ADGRF5: variants seen among roughly 807,000 people sequenced by gnomAD.
ADGRF5 encodes G-protein coupled receptor 116.
ADGRF5 carries 75 observed loss-of-function variants against 132.3 expected under a neutral mutation model. The ratio of observed to expected loss-of-function variants is 0.57; its 90% CI spans 0.47 to 0.69. ADGRF5 has a LOEUF of 0.69. ADGRF5 is among the 30% of genes least tolerant of loss of function. The pLI, the probability that ADGRF5 is intolerant of heterozygous loss-of-function variation, is 0.00. For synonymous variants in ADGRF5, 629 were observed against 597.6 expected (o/e 1.05, Z -0.77); for missense variants, 1,516 against 1,630.6 (o/e 0.93, Z 1.21).
At chr6:46,914,387 T>C (rs1265295554) in intron 1 of ADGRF5, among the ~76,000 whole-genome samples, 2 of 152,188 alleles carry the variant, frequency 1.3e-5, no homozygotes, top group African/African-American at 4.8e-5. Context: ...AGCAAAAATA[T>C]AAGCTAAATA....
intron 11 of ADGRF5, among the ~76,000 whole-genome samples, chr6:46,870,309 T>C (rs1197096675): frequency 6.6e-6 from 1 of 152,112 alleles, no homozygotes; most frequent in Non-Finnish European, 1.5e-5. Flanking sequence ...CACATCCCCA[T>C]GCCTGGCTAA....
At position 46,884,096 on chromosome 6, in the gene ADGRF5, T is replaced by C. The variant is rs765200403; in HGVS notation, c.504A>G (p.Glu168=). Residue 168 remains glutamate, a splice_region_variant and synonymous_variant, in exon 5 of 21, where the codon GAA becomes GAG. Coordinates refer to ENST00000283296, the MANE Select transcript of ADGRF5 (RefSeq NM_001098518.2). ...AGCATTTAATGAGCAGTTACTTACC[T>C]TCCTGAAGCAGGCAAAAAGGTCCAT... ...PPNGPFCLLQ[E]DVTLNMRVRL... 1 of 1,613,112 alleles carries C rather than the reference T, an allele frequency of 6.2e-7. No individual in the cohort carries two copies. The highest frequency in any genetic ancestry group is 1.7e-5 in the Admixed American group (1 of 59,972).
chr6:46,876,326 GA>G (rs1771648940), intron 10 of ADGRF5, among the ~76,000 whole-genome samples: 1 of 152,226 alleles, frequency 6.6e-6, no homozygotes, highest in African/African-American at 2.4e-5. Flanking sequence ...TCCTTTGCCA[GA>G]AGGCCAGGTT....
At chr6:46,907,833 C>T (rs1262936444) in intron 1 of ADGRF5, 2 of 152,158 alleles carry the variant, frequency 1.3e-5, no homozygotes, top group Non-Finnish European at 2.9e-5. Context: ...ATCTGTAAAA[C>T]GGGGATAATT....
chr6:46,874,413 T>C (rs1771412992), intron 10 of ADGRF5, among the ~76,000 whole-genome samples: 1 of 152,212 alleles, frequency 6.6e-6, no homozygotes, highest in South Asian at 2.1e-4. Context: ...GACAATGATC[T>C]ATGCAAGAAG....
At position 46,853,785 on chromosome 6, in the gene ADGRF5, G is replaced by T; in HGVS notation, c.*207C>A. 2.3e-6 allele frequency: 1 copy of T among 431,318 alleles called. No individual in the cohort carries two copies. The highest frequency in any genetic ancestry group is 2.6e-5 in the South Asian group (1 of 38,992). 26.7% of individuals were successfully genotyped at this position (431,318 alleles called of 1,614,324 possible). A position where few individuals can be genotyped will look rare whatever the true frequency, so the allele number is the denominator to read the frequency against. ...CTATACACATGTGGTATCACACAAG[G>T]GGGAGGGGGAGGGAACAAACAGAAA... On this transcript the variant is annotated 3_prime_UTR_variant, in exon 21 of 21. Transcript: ENST00000283296.
intron 1 of ADGRF5, among the ~76,000 whole-genome samples, chr6:46,939,819 C>T (rs889290664): frequency 2.0e-5 from 3 of 152,152 alleles, no homozygotes; most frequent in Admixed American, 6.5e-5. Flanking sequence ...AATCCACTTT[C>T]GATGAATGAG....
intron 1 of ADGRF5, among the ~76,000 whole-genome samples, chr6:46,914,592 C>A (rs1776262652): frequency 6.6e-6 from 1 of 152,138 alleles, no homozygotes; most frequent in South Asian, 2.1e-4. Flanking sequence ...ACACACTGCA[C>A]ATGTGGGCGG....
chr6:46,913,787 G>T (rs536538037), intron 1 of ADGRF5, among the ~76,000 whole-genome samples: 2 of 152,178 alleles, frequency 1.3e-5, no homozygotes, highest in African/African-American at 2.4e-5. Context: ...TAGCTTTCAC[G>T]TCCACGCAGT....
intron 1 of ADGRF5, among the ~76,000 whole-genome samples, chr6:46,941,519 G>A (rs1238423980): frequency 1.3e-5 from 2 of 151,818 alleles, no homozygotes; most frequent in Non-Finnish European, 2.9e-5. Context: ...AAATTCTAGA[G>A]CCCACCCCAG....
intron 1 of ADGRF5, among the ~76,000 whole-genome samples, chr6:46,920,527 G>GT (rs1554212971): frequency 3.8e-4 from 8 of 21,216 alleles, no homozygotes; most frequent in African/African-American, 1.3e-3. Context: ...AATAATATTT[G>GT]GGGGGGGGGA....
chr6:46,914,086 G>T (rs892061018), intron 1 of ADGRF5, among the ~76,000 whole-genome samples: 1 of 152,144 alleles, frequency 6.6e-6, no homozygotes, highest in African/African-American at 2.4e-5. Flanking sequence ...TACTACTAAA[G>T]AATAGAGTTA....
At chr6:46,953,749 G>A (rs1778616438) in intron 1 of ADGRF5, among the ~76,000 whole-genome samples, 1 of 145,602 alleles carries the variant, frequency 6.9e-6, no homozygotes, top group Admixed American at 6.9e-5. Flanking sequence ...AGCAGGGTAT[G>A]GAAGATAGAA....
intron 1 of ADGRF5, among the ~76,000 whole-genome samples, chr6:46,934,129 T>C (rs1476324074): frequency 6.6e-6 from 1 of 152,182 alleles, no homozygotes; most frequent in Non-Finnish European, 1.5e-5. Context: ...TCACTAAATA[T>C]GGGCAATCTT....
intron 1 of ADGRF5, among the ~76,000 whole-genome samples, chr6:46,917,444 C>T (rs1047000785): frequency 2.6e-5 from 4 of 152,144 alleles, no homozygotes; most frequent in Admixed American, 1.3e-4. Flanking sequence ...GGAATCTTAA[C>T]GTGCCTCTAT....
rs1304258960 is a variant in ADGRF5 at position 46,858,882 on chromosome 6, G to A, written c.3021C>T (p.Leu1007=). The A allele has an allele frequency of 8.7e-6, 14 of 1,613,960 alleles. No individual in the cohort carries two copies. The highest frequency in any genetic ancestry group is 2.5e-6 in the Non-Finnish European group (3 of 1,179,982). The change falls in exon 17 of 21, where the codon CTC becomes CTT. Residue 1007 remains leucine, a synonymous_variant. Transcript: ENST00000283296. ...MSPDSPDPSS[L]LGILLDIISY... ...AAATAATATCCAGGAGTATTCCCAG[G>A]AGAGAACTAGGATCTGGGGAGTCAG...
rs189072928 is a variant in ADGRF5 at position 46,877,046 on chromosome 6, T to C, written c.1240+1156A>G. Among the ~76,000 whole-genome samples, 213 of 152,378 alleles carry C rather than the reference T, an allele frequency of 1.4e-3. 2 individuals carry two copies. The highest frequency in any genetic ancestry group is 4.7e-3 in the African/African-American group (196 of 41,596). On this transcript the variant is annotated intron_variant, in intron 10 of 20. Transcript: ENST00000283296. Reference sequence around the variant, plus strand: ...CTTTACAGATAAGCGCATTATACTGTTGTTTCTTAAGAGAAGAGTTGGATC... The same window carrying C: ...CTTTACAGATAAGCGCATTATACTGCTGTTTCTTAAGAGAAGAGTTGGATC...
At chr6:46,900,853 A>T (rs757575483) in intron 2 of ADGRF5, among the ~76,000 whole-genome samples, 1 of 152,220 alleles carries the variant, frequency 6.6e-6, no homozygotes, top group Non-Finnish European at 1.5e-5. Context: ...CAGTGTGGTG[A>T]CTAAAAGTAA....
chr6:46,926,546 C>T (rs963352680), upstream of ADGRF5, among the ~76,000 whole-genome samples: 3 of 152,208 alleles, frequency 2.0e-5, no homozygotes, highest in Non-Finnish European at 2.9e-5. Context: ...TCTTTCTTGA[C>T]CCTTATTGAT....
Sources: allele counts gnomAD v4.1 joint callset (sites outside exome capture counted in the v4.1 genomes callset), GRCh38; gene constraint gnomAD v4.1.1; transcripts MANE v1.5; gene names NCBI Gene and HGNC (gene_info 2026-07-23, HGNC 2026-07-21).